Variants in CEP112 observed in about 807,000 individuals in gnomAD.
CEP112 encodes the protein centrosomal protein 112.
Under a neutral mutation model 153.0 loss-of-function variants are expected in CEP112, and 127 were observed. That is an observed-to-expected ratio of 0.83 (90% CI 0.72 to 0.96). CEP112 has a LOEUF of 0.96. CEP112 is among the 40% of genes least tolerant of loss of function. The probability of loss-of-function intolerance (pLI) is 0.00; values close to 1 mark genes in which losing one functional copy is unlikely to be tolerated. For missense variants in CEP112, 1,089 were observed against 1,101.2 expected (o/e 0.99, Z 0.16); for synonymous variants, 358 against 374.4 (o/e 0.96, Z 0.51).
At chr17:66,066,943 C>G in intron 9 of CEP112, 66 bp from the exon 10 acceptor site, 2 of 964,708 alleles carry the variant, frequency 2.1e-6, no homozygotes, top group East Asian at 6.6e-5. Flanking sequence ...TTTTTTGAAT[C>G]CTGATATATT....
At chr17:66,103,851 T>C (rs1214245625) in intron 6 of CEP112, among the ~76,000 whole-genome samples, 2 of 152,180 alleles carry the variant, frequency 1.3e-5, no homozygotes, top group Non-Finnish European at 2.9e-5. Context: ...TGTGGGATTT[T>C]GCATTGAAAC....
intron 22 of CEP112, among the ~76,000 whole-genome samples, chr17:65,745,128 A>G (rs967374144): frequency 6.6e-6 from 1 of 152,244 alleles, no homozygotes; most frequent in Non-Finnish European, 1.5e-5. Flanking sequence ...ACAATAAAAT[A>G]TGGAGTATTT....
chr17:66,161,672 G>A (rs141777324), intron 4 of CEP112, among the ~76,000 whole-genome samples: 10 of 152,024 alleles, frequency 6.6e-5, no homozygotes, highest in African/African-American at 2.4e-4. Context: ...ATCACACACC[G>A]GGTCTGTCAG....
intron 22 of CEP112, among the ~76,000 whole-genome samples, chr17:65,744,265 T>C (rs1314465407): frequency 6.6e-6 from 1 of 151,812 alleles, no homozygotes; most frequent in African/African-American, 2.4e-5. Context: ...GTTTGTTTGT[T>C]TGTTTTGAGA....
chr17:66,190,165 C>T (rs1292510069), intron 1 of CEP112, among the ~76,000 whole-genome samples: 1 of 151,810 alleles, frequency 6.6e-6, no homozygotes, highest in Non-Finnish European at 1.5e-5. Context: ...AAAAATTAGC[C>T]GGGCATGGTG....
At chr17:65,672,065 A>G (rs1488686397) in intron 24 of CEP112, among the ~76,000 whole-genome samples, 1 of 152,230 alleles carries the variant, frequency 6.6e-6, no homozygotes. Context: ...CAACTGAAAG[A>G]TCATTAGAAG....
At chr17:65,685,295 A>G (rs906825754) in intron 24 of CEP112, among the ~76,000 whole-genome samples, 1 of 152,206 alleles carries the variant, frequency 6.6e-6, no homozygotes, top group Admixed American at 6.5e-5. Context: ...TCTTGTTTTT[A>G]TAGAATCAAA....
At chr17:66,013,836 G>T (rs964521023) in intron 16 of CEP112, among the ~76,000 whole-genome samples, 1 of 152,064 alleles carries the variant, frequency 6.6e-6, no homozygotes, top group South Asian at 2.1e-4. Context: ...TGGAGGGGAG[G>T]GGTCACTGGC....
At chr17:65,737,797 C>T (rs986742629) in intron 23 of CEP112, among the ~76,000 whole-genome samples, 5 of 152,204 alleles carry the variant, frequency 3.3e-5, no homozygotes, top group South Asian at 2.1e-4. Flanking sequence ...ATATCTCAGT[C>T]GCTTACTGAA....
At chr17:65,993,538 A>G (rs1339462992) in intron 17 of CEP112, among the ~76,000 whole-genome samples, 2 of 152,234 alleles carry the variant, frequency 1.3e-5, no homozygotes, top group South Asian at 2.1e-4. Flanking sequence ...AAAGAAACAT[A>G]TAAGAATGTT....
At chr17:66,004,189 A>C (rs187508136) in intron 17 of CEP112, among the ~76,000 whole-genome samples, 169 of 152,274 alleles carry the variant, frequency 1.1e-3, no homozygotes, top group African/African-American at 3.6e-3. Flanking sequence ...TCATTAAAAA[A>C]AGCAAGACTG....
intron 23 of CEP112, among the ~76,000 whole-genome samples, chr17:65,692,014 C>T (rs965739178): frequency 2.0e-5 from 3 of 152,106 alleles, no homozygotes; most frequent in Non-Finnish European, 2.9e-5. Context: ...CACGCTGTGC[C>T]GTAGGAAGCC....
At chr17:66,164,884 A>G (rs867065729) in intron 4 of CEP112, among the ~76,000 whole-genome samples, 14 of 93,976 alleles carry the variant, frequency 1.5e-4, no homozygotes, top group African/African-American at 5.5e-4. Context: ...ATACACACAT[A>G]TATGTGTGTG....
At chr17:65,867,940 G>GGA (rs201679123) in intron 20 of CEP112, among the ~76,000 whole-genome samples, 3 of 148,794 alleles carry the variant, frequency 2.0e-5, no homozygotes, top group Admixed American at 6.7e-5. Context: ...TGTTGAAGGG[G>GGA]AAAAAAAACC....
At chr17:65,678,683 A>G (rs931852423) in intron 24 of CEP112, among the ~76,000 whole-genome samples, 1 of 152,164 alleles carries the variant, frequency 6.6e-6, no homozygotes, top group East Asian at 1.9e-4. Context: ...GTCAGTATTC[A>G]TTGCAGGGAC....
At chr17:65,736,205 A>G (rs1343913767) in intron 23 of CEP112, among the ~76,000 whole-genome samples, 1 of 152,084 alleles carries the variant, frequency 6.6e-6, no homozygotes, top group East Asian at 1.9e-4. Flanking sequence ...GAACTGACCT[A>G]TGAGAGGTAA....
At chr17:65,968,850 AT>A (rs1230002930) in intron 17 of CEP112, among the ~76,000 whole-genome samples, 9 of 119,518 alleles carry the variant, frequency 7.5e-5, no homozygotes, top group South Asian at 4.3e-4. Context: ...CTGTACATAC[AT>A]TTTTTATTAA....
At chr17:65,812,589 T>C (rs2056040522) in intron 21 of CEP112, among the ~76,000 whole-genome samples, 1 of 152,184 alleles carries the variant, frequency 6.6e-6, no homozygotes, top group South Asian at 2.1e-4. Context: ...AAGGCTTTTA[T>C]TGAACTATTT....
intron 23 of CEP112, among the ~76,000 whole-genome samples, chr17:65,722,753 G>A (rs901946061): frequency 6.6e-6 from 1 of 152,210 alleles, no homozygotes; most frequent in Admixed American, 6.5e-5. Context: ...GAGTGATGGT[G>A]AGCTTAAGTG....
Sources: allele counts gnomAD v4.1 joint callset (sites outside exome capture counted in the v4.1 genomes callset), GRCh38; gene constraint gnomAD v4.1.1; transcripts MANE v1.5; gene names NCBI Gene and HGNC (gene_info 2026-07-23, HGNC 2026-07-21).